The following GLI3 variants were observed in gnomAD, a reference collection of about 807,000 sequenced individuals.
GLI3 encodes transcription activator GLI3.
GLI3 carries 20 observed loss-of-function variants against 100.8 expected under a neutral mutation model. That is an observed-to-expected ratio of 0.20 (90% CI 0.14 to 0.29). The LOEUF is 0.29. Ranked by LOEUF, GLI3 falls within the 10% of genes least tolerant of loss-of-function variation. GLI3 has a pLI of 1.00. For synonymous variants in GLI3, 938 were observed against 860.5 expected (o/e 1.09, Z -1.58); for missense variants, 2,040 against 2,128.5 (o/e 0.96, Z 0.82).
chr7:42,107,116 G>C (rs1785595149), intron 3 of GLI3, among the ~76,000 whole-genome samples: 1 of 151,932 alleles, frequency 6.6e-6, no homozygotes, highest in African/African-American at 2.4e-5. Flanking sequence ...AGGAGTTTGA[G>C]ACCAGCCTGG....
At chr7:42,239,125 A>T (rs1417373294), upstream of GLI3, among the ~76,000 whole-genome samples, 1 of 152,258 alleles carries the variant, frequency 6.6e-6, no homozygotes, top group South Asian at 2.1e-4. Flanking sequence ...TAAAGGCCCT[A>T]GTTAGCCATT....
intron 3 of GLI3, among the ~76,000 whole-genome samples, chr7:42,099,475 T>C (rs2128761000): frequency 6.6e-6 from 1 of 152,382 alleles, no homozygotes; most frequent in African/African-American, 2.4e-5. Flanking sequence ...ATTTGTTTTT[T>C]TCTGTAACTT....
At chr7:42,160,072 C>T (rs1350104180) in intron 2 of GLI3, among the ~76,000 whole-genome samples, 2 of 152,174 alleles carry the variant, frequency 1.3e-5, no homozygotes, top group Non-Finnish European at 2.9e-5. Context: ...TGTCAGCTGC[C>T]TCCTCTACCA....
chr7:41,982,609 G>C (rs999724062), intron 10 of GLI3, among the ~76,000 whole-genome samples: 3 of 151,440 alleles, frequency 2.0e-5, no homozygotes, highest in Non-Finnish European at 4.4e-5. Context: ...GGCTGAGGCA[G>C]GAGGGTCACT....
intron 7 of GLI3, among the ~76,000 whole-genome samples, chr7:42,028,407 C>T (rs1789184690): frequency 6.6e-6 from 1 of 152,106 alleles, no homozygotes; most frequent in East Asian, 1.9e-4. Flanking sequence ...AAAACATGCC[C>T]TTGATTTTAT....
chr7:42,115,948 T>C (rs7800024), intron 3 of GLI3, among the ~76,000 whole-genome samples: 15,758 of 152,084 alleles, frequency 0.1, 1,768 homozygotes, highest in African/African-American at 0.28. Context: ...TTGTGGGTTG[T>C]CTTGGGTTTT....
chr7:42,026,192 CT>C lies in GLI3; in HGVS notation c.1242+6del, dbSNP rs772496012. 15 of 1,606,664 alleles carry C rather than the reference CT, an allele frequency of 9.3e-6. No homozygotes were observed. The highest frequency in any genetic ancestry group is 3.4e-4 in the Middle Eastern group (2 of 5,952). On this transcript the variant is annotated splice_donor_region_variant and intron_variant, in intron 8 of 14. Transcript: ENST00000395925. ...CACGGCCGGGTGCATCGACCTGTCC[CT>C]CTCACCTGTGAGGACTCAGAAGGGC...
At chr7:42,028,103 A>C (rs1789173810) in intron 7 of GLI3, among the ~76,000 whole-genome samples, 1 of 152,226 alleles carries the variant, frequency 6.6e-6, no homozygotes, top group African/African-American at 2.4e-5. Context: ...TTCATCAAAA[A>C]ACACAATGAT....
chr7:41,980,621 A>C (rs532201787), intron 10 of GLI3, among the ~76,000 whole-genome samples: 9 of 152,280 alleles, frequency 5.9e-5, no homozygotes, highest in African/African-American at 2.2e-4. Flanking sequence ...GGGAGGAAGC[A>C]AGGAAGGCAA....
At chr7:42,037,225 C>T (rs1784030344) in intron 7 of GLI3, among the ~76,000 whole-genome samples, 1 of 152,152 alleles carries the variant, frequency 6.6e-6, no homozygotes, top group Admixed American at 6.5e-5. Context: ...GAGCCGTGCA[C>T]CTGCCCTGTT....
intron 2 of GLI3, among the ~76,000 whole-genome samples, chr7:42,192,876 TC>T (rs998122751): frequency 5.9e-5 from 9 of 152,130 alleles, no homozygotes; most frequent in African/African-American, 1.2e-4. Flanking sequence ...TAGCATCTTG[TC>T]CTCTAATTAC....
chr7:42,263,771 C>T (rs1789171753), intron 1 of GLI3, among the ~76,000 whole-genome samples: 1 of 152,110 alleles, frequency 6.6e-6, no homozygotes, highest in Non-Finnish European at 1.5e-5. Flanking sequence ...TTTTGAAATT[C>T]CCCTAGCTGT....
At chr7:42,164,220 T>A (rs567427697) in intron 2 of GLI3, among the ~76,000 whole-genome samples, 39 of 152,276 alleles carry the variant, frequency 2.6e-4, no homozygotes, top group African/African-American at 9.1e-4. Context: ...CGTGTTGAAA[T>A]CTGTTTAAAG....
chr7:42,211,976 G>T (rs1240956528), intron 2 of GLI3, among the ~76,000 whole-genome samples: 1 of 152,104 alleles, frequency 6.6e-6, no homozygotes, highest in African/African-American at 2.4e-5. Flanking sequence ...TCTTTCTTGA[G>T]CTGCAGTGCC....
intron 3 of GLI3, chr7:42,145,239 A>G (rs1297335264): frequency 4.5e-6 from 1 of 222,552 alleles, no homozygotes; most frequent in Non-Finnish European, 8.7e-6. Flanking sequence ...CTAAAGAAAA[A>G]GTAAAGTCAT....
Position 42,048,694 on chromosome 7 carries a change from G to T in GLI3, c.476C>A (p.Thr159Asn). Residue 159 changes from threonine (T) to asparagine (N), a missense_variant and splice_region_variant, in exon 5 of 15, where the codon ACT becomes AAT. By Grantham distance (65) the Thr-to-Asn change is moderately conservative (BLOSUM62 0). Transcript: ENST00000395925. ...CGTAGGGCTACTAGATAAGGCGGAA[G>T]TCCTGGGTACAAAGAAAACCAGATA... ...DPSPIPPLHMTSALSSSPTYP... is the reference protein window; with the variant it reads ...DPSPIPPLHMNSALSSSPTYP... 1 of 1,607,532 alleles carries T rather than the reference G, an allele frequency of 6.2e-7. No individual in the cohort carries two copies. Among genetic ancestry groups the T allele is most frequent in the Non-Finnish European group, 8.5e-7 (1 of 1,176,494 alleles).
intron 3 of GLI3, among the ~76,000 whole-genome samples, chr7:42,137,889 GT>G (rs1786467811): frequency 6.6e-6 from 1 of 152,182 alleles, no homozygotes; most frequent in African/African-American, 2.4e-5. Context: ...TAAATGAATT[GT>G]TTGTGTAGAC....
chr7:42,007,816 T>A (rs935782506), intron 10 of GLI3, among the ~76,000 whole-genome samples: 1 of 152,198 alleles, frequency 6.6e-6, no homozygotes, highest in Admixed American at 6.5e-5. Context: ...TTACCCCATG[T>A]CAGTTACCTG....
chr7:42,148,436 C>T lies in GLI3; in HGVS notation c.157G>A (p.Glu53Lys). 6.2e-7 allele frequency: 1 copy of T among 1,613,998 alleles called. No individual in the cohort carries two copies. Among genetic ancestry groups the T allele is most frequent in the South Asian group, 1.1e-5 (1 of 91,078 alleles). Residue 53 changes from glutamate (E) to lysine (K), a missense_variant, in exon 3 of 15, where the codon GAG becomes AAG. Physicochemically the swap from Glu to Lys is moderately conservative, Grantham distance 56. Around this residue, in one of 5 missense-constraint regions of GLI3, gnomAD observed 603 missense variants for 690.9 expected, o/e 0.87. Transcript: ENST00000395925. Reference sequence around the variant, plus strand: ...TGCATAGTGATTGCGTTTCTTCTCTCTCTGTGATAAGTCTGTCCAGGACTT... The same window carrying T: ...TGCATAGTGATTGCGTTTCTTCTCTTTCTGTGATAAGTCTGTCCAGGACTT... ...DESPGQTYHR[E>K]RRNAITMQPQ...
Sources: allele counts gnomAD v4.1 joint callset (sites outside exome capture counted in the v4.1 genomes callset), GRCh38; gene constraint gnomAD v4.1.1; regional missense constraint gnomAD v4.1.1; transcripts MANE v1.5; gene names NCBI Gene and HGNC (gene_info 2026-07-23, HGNC 2026-07-21).